HIVEP2: variants seen among roughly 807,000 people sequenced by gnomAD.
The protein encoded by HIVEP2 is transcription factor HIVEP2.
A neutral mutation model predicts 180.7 loss-of-function variants in HIVEP2; 14 were observed. The ratio of observed to expected loss-of-function variants is 0.08; its 90% CI spans 0.05 to 0.12. HIVEP2 has a LOEUF of 0.12. Among genes scored for constraint, HIVEP2 ranks in the 10% least tolerant of loss-of-function variants. HIVEP2 has a pLI of 1.00. For missense variants in HIVEP2, 2,579 were observed against 3,008.5 expected, an observed-to-expected ratio of 0.86 and a Z score of 3.34; for synonymous variants, 1,184 against 1,136.4, an observed-to-expected ratio of 1.04 and a Z score of -0.84.
At chr6:142,908,407 G>A (rs1777320841) in intron 1 of HIVEP2, among the ~76,000 whole-genome samples, 1 of 152,112 alleles carries the variant, frequency 6.6e-6, no homozygotes, top group African/African-American at 2.4e-5. Flanking sequence ...GTTTATGCCT[G>A]TTTTTTGCAT....
chr6:142,882,342 A>G (rs1776592681), intron 1 of HIVEP2, among the ~76,000 whole-genome samples: 1 of 152,160 alleles, frequency 6.6e-6, no homozygotes, highest in South Asian at 2.1e-4. Context: ...AGAGGGCAGT[A>G]GCTCATGCCT....
At chr6:142,841,243 T>C (rs1775354512) in intron 1 of HIVEP2, among the ~76,000 whole-genome samples, 1 of 152,176 alleles carries the variant, frequency 6.6e-6, no homozygotes, top group Non-Finnish European at 1.5e-5. Flanking sequence ...TTATCCATAA[T>C]ACTATTTACT....
intron 1 of HIVEP2, among the ~76,000 whole-genome samples, chr6:142,895,542 G>A (rs1264562749): frequency 6.6e-6 from 1 of 152,106 alleles, no homozygotes; most frequent in East Asian, 1.9e-4. Flanking sequence ...TACATACTGG[G>A]ATAAATCATA....
chr6:142,776,632 G>C (rs1435731975), intron 3 of HIVEP2, among the ~76,000 whole-genome samples: 1 of 151,324 alleles, frequency 6.6e-6, no homozygotes, highest in Admixed American at 6.6e-5. Flanking sequence ...CCTGAGCTCA[G>C]GCGATCCTCC....
At chr6:142,759,692 TA>T in intron 9 of HIVEP2, 79 bp downstream of exon 9, 1 of 1,112,848 alleles carries the variant, frequency 9.0e-7, no homozygotes, top group Non-Finnish European at 1.3e-6. Context: ...CATGTTCTAC[TA>T]AACTTCACAC....
intron 2 of HIVEP2, among the ~76,000 whole-genome samples, chr6:142,807,547 G>T (rs1212074361): frequency 6.6e-6 from 1 of 152,104 alleles, no homozygotes; most frequent in Non-Finnish European, 1.5e-5. Flanking sequence ...CATATAAATG[G>T]CTGGATACCC....
intron 2 of HIVEP2, among the ~76,000 whole-genome samples, chr6:142,826,029 A>G (rs941894473): frequency 9.2e-5 from 14 of 152,186 alleles, no homozygotes; most frequent in Non-Finnish European, 1.3e-4. Context: ...GTTTGCTTCT[A>G]TATTCTAAGT....
Position 142,753,088 on chromosome 6 carries a change from A to G in HIVEP2, c.*19T>C, listed in dbSNP as rs767452296. The G allele has an allele frequency of 7.1e-7, 1 of 1,413,530 alleles. No individual in the cohort carries two copies. Among genetic ancestry groups the G allele is most frequent in the South Asian group, 1.2e-5 (1 of 86,354 alleles). The allele number at this position is 1,413,530 out of a possible 1,614,324, so 87.6% of individuals were successfully genotyped here. Reference sequence around the variant, plus strand: ...AAAAATGGGAAAATGTGGAAATGAAAGTCTCCATGCATCATAGATCAATGT... The same window carrying G: ...AAAAATGGGAAAATGTGGAAATGAAGGTCTCCATGCATCATAGATCAATGT... On this transcript the variant is annotated 3_prime_UTR_variant, in exon 10 of 10. Coordinates refer to ENST00000367603, the MANE Select transcript of HIVEP2 (RefSeq NM_006734.4).
chr6:142,926,643 GAGTCAGGGAGGTGCC>G lies in HIVEP2; in HGVS notation c.-641+18441_-641+18455del, dbSNP rs1777818024. On this transcript the variant is annotated intron_variant, in intron 1 of 9. Transcript: ENST00000367603. ...GGGCCCACCTGACTGGGCGTCCTCTGAGTCAGGGAGGTGCCAGTGCTGTGGTCCCCGCGAGCCCAA... is the reference window on the plus strand; with the variant it reads ...GGGCCCACCTGACTGGGCGTCCTCTGAGTGCTGTGGTCCCCGCGAGCCCAA... Among the ~76,000 whole-genome samples the G allele has an allele frequency of 7.2e-5, 11 of 152,334 alleles. 1 individual carries two copies. The East Asian group carries it at 2.1e-3, about 29-fold the overall frequency.
At chr6:142,924,575 ATCT>A (rs1364673982) in intron 1 of HIVEP2, among the ~76,000 whole-genome samples, 2 of 152,384 alleles carry the variant, frequency 1.3e-5, no homozygotes, top group East Asian at 1.9e-4. Context: ...GAGGAAAAAC[ATCT>A]TCTCCTACTG....
intron 2 of HIVEP2, among the ~76,000 whole-genome samples, chr6:142,793,499 G>T (rs888373305): frequency 1.3e-5 from 2 of 152,074 alleles, no homozygotes; most frequent in Non-Finnish European, 2.9e-5. Context: ...TGTATTGCTT[G>T]ATACTATGGG....
chr6:142,917,810 C>T (rs1777594725), intron 1 of HIVEP2, among the ~76,000 whole-genome samples: 2 of 151,966 alleles, frequency 1.3e-5, no homozygotes, highest in African/African-American at 4.8e-5. Context: ...GAGTCTTGCT[C>T]TGTTGCCCAG....
chr6:142,864,516 GA>G (rs2114966888), intron 1 of HIVEP2, among the ~76,000 whole-genome samples: 1 of 152,246 alleles, frequency 6.6e-6, no homozygotes, highest in Non-Finnish European at 1.5e-5. Context: ...ATATTAATAT[GA>G]AAACTGTTTA....
intron 1 of HIVEP2, among the ~76,000 whole-genome samples, chr6:142,941,890 G>C (rs565138934): frequency 3.0e-4 from 45 of 152,240 alleles, no homozygotes; most frequent in African/African-American, 1.0e-3. Flanking sequence ...CAGAACTAAT[G>C]TATAGACCAA....
At chr6:142,781,515 T>C (rs1017010607) in intron 3 of HIVEP2, among the ~76,000 whole-genome samples, 1 of 152,180 alleles carries the variant, frequency 6.6e-6, no homozygotes, top group Non-Finnish European at 1.5e-5. Context: ...TGGATGCTGC[T>C]ACAGCCCACA....
chr6:142,929,881 G>A (rs553359959), intron 1 of HIVEP2, among the ~76,000 whole-genome samples: 1 of 152,258 alleles, frequency 6.6e-6, no homozygotes, highest in African/African-American at 2.4e-5. Context: ...ACTTTGAAAA[G>A]TCTTTGATAT....
chr6:142,828,040 A>G (rs889516339), intron 2 of HIVEP2, among the ~76,000 whole-genome samples: 10 of 152,228 alleles, frequency 6.6e-5, no homozygotes, highest in Non-Finnish European at 1.5e-4. Flanking sequence ...AAATTCACAC[A>G]GCATTCTTAA....
intron 2 of HIVEP2, among the ~76,000 whole-genome samples, chr6:142,835,986 AT>A (rs1775212492): frequency 6.6e-6 from 1 of 152,206 alleles, no homozygotes; most frequent in African/African-American, 2.4e-5. Flanking sequence ...TTCCCAGATG[AT>A]TAGACACTTT....
intron 2 of HIVEP2, among the ~76,000 whole-genome samples, chr6:142,793,642 TTCTTTC>T (rs145279318): frequency 0.071 from 2,977 of 42,200 alleles, 111 homozygotes; most frequent in African/African-American, 0.18. Context: ...CTTTCTTTCT[TTCTTTC>T]TTTCTTTCTT....
Sources: gnomAD v4.1 joint callset for allele counts (sites outside exome capture counted in the v4.1 genomes callset) on GRCh38, gnomAD v4.1.1 for gene constraint, MANE v1.5 for transcripts, NCBI Gene and HGNC (gene_info 2026-07-23, HGNC 2026-07-21) for gene names.